Variants in KCNH8 observed in about 807,000 individuals in gnomAD.
KCNH8 encodes the protein voltage-gated delayed rectifier potassium channel KCNH8.
Under a neutral mutation model 103.6 loss-of-function variants are expected in KCNH8, and 70 were observed. The observed-to-expected ratio is 0.68, with a 90% CI of 0.56 to 0.82. The LOEUF (loss-of-function observed/expected upper bound fraction) is 0.82, where lower values mean the gene tolerates loss of function less well. Among genes scored for constraint, KCNH8 ranks in the 40% least tolerant of loss-of-function variants. KCNH8 has a pLI of 0.00. For missense variants in KCNH8, 1,217 were observed against 1,329.9 expected (o/e 0.92, Z 1.32); for synonymous variants, 498 against 489.4 (o/e 1.02, Z -0.23).
In KCNH8 at chr3:19,339,311, T is replaced by G. The variant is rs572340651; in HGVS notation, c.443-3276T>G. On this transcript the variant is annotated intron_variant, in intron 3 of 15. Coordinates refer to ENST00000328405, the MANE Select transcript of KCNH8 (RefSeq NM_144633.3). Reference sequence around the variant, plus strand: ...TGTAAATATCTAAACCGGTTCATTTTGTAGTTAGCATTGTAATTCCACTTG... The same window carrying G: ...TGTAAATATCTAAACCGGTTCATTTGGTAGTTAGCATTGTAATTCCACTTG... Among the ~76,000 whole-genome samples the G allele has an allele frequency of 3.3e-5, 5 of 152,258 alleles. No individual in the cohort carries two copies. The East Asian group carries it at 9.7e-4, about 29-fold the overall frequency.
At chr3:19,170,578 G>C (rs1338143836) in intron 1 of KCNH8, among the ~76,000 whole-genome samples, 1 of 135,268 alleles carries the variant, frequency 7.4e-6, no homozygotes, top group African/African-American at 3.1e-5. Context: ...CCACTTCTTG[G>C]GGCATCTATA....
chr3:19,246,107 AGTTT>A (rs1357343940), intron 1 of KCNH8, among the ~76,000 whole-genome samples: 1 of 152,010 alleles, frequency 6.6e-6, no homozygotes, highest in African/African-American at 2.4e-5. Context: ...ATTTGCTTCA[AGTTT>A]GTTTATCTTA....
At chr3:19,407,812 C>G (rs2125144941) in intron 7 of KCNH8, among the ~76,000 whole-genome samples, 1 of 152,222 alleles carries the variant, frequency 6.6e-6, no homozygotes, top group South Asian at 2.1e-4. Flanking sequence ...CTAGAGCACC[C>G]ACTCTCCTAG....
chr3:19,450,554 C>A, intron 9 of KCNH8: 1 of 484,708 alleles, frequency 2.1e-6, no homozygotes, highest in Non-Finnish European at 3.7e-6. Flanking sequence ...ATTTATTTTC[C>A]TTCTTATTGT....
At chr3:19,520,935 G>A (rs1305635415) in intron 15 of KCNH8, among the ~76,000 whole-genome samples, 1 of 151,970 alleles carries the variant, frequency 6.6e-6, no homozygotes, top group East Asian at 1.9e-4. Context: ...TAATAATATT[G>A]GTAATTACCT....
At chr3:19,334,811 C>T (rs2065559839) in intron 3 of KCNH8, among the ~76,000 whole-genome samples, 1 of 151,072 alleles carries the variant, frequency 6.6e-6, no homozygotes, top group Non-Finnish European at 1.5e-5. Flanking sequence ...TCCTGCTTTA[C>T]ACTGTTTTTC....
chr3:19,214,026 C>G (rs2047114), intron 1 of KCNH8, among the ~76,000 whole-genome samples: 8 of 152,132 alleles, frequency 5.3e-5, no homozygotes, highest in Non-Finnish European at 1.2e-4. Flanking sequence ...TCTACCACCC[C>G]CGCCTGCCCG....
chr3:19,258,947 CTATATATATATATATATATA>C (rs71055060), intron 2 of KCNH8, among the ~76,000 whole-genome samples: 8 of 24,802 alleles, frequency 3.2e-4, no homozygotes, highest in African/African-American at 1.0e-3. Flanking sequence ...CTCTCTCTCT[CTATATATATATATATATATA>C]TATATATATA....
At chr3:19,309,110 A>C (rs2065177637) in intron 3 of KCNH8, among the ~76,000 whole-genome samples, 1 of 151,776 alleles carries the variant, frequency 6.6e-6, no homozygotes. Flanking sequence ...CTTTTTGTAG[A>C]TTTAGCATGC....
chr3:19,385,862 GT>G (rs1217609431), intron 5 of KCNH8, among the ~76,000 whole-genome samples: 1 of 152,072 alleles, frequency 6.6e-6, no homozygotes, highest in African/African-American at 2.4e-5. Context: ...CGCCCACACT[GT>G]ACTACATTGA....
At chr3:19,489,706 C>A (rs1388032251) in intron 11 of KCNH8, among the ~76,000 whole-genome samples, 1 of 151,628 alleles carries the variant, frequency 6.6e-6, no homozygotes, top group Non-Finnish European at 1.5e-5. Flanking sequence ...AGACAAAACA[C>A]CACACTCACA....
chr3:19,479,484 A>G (rs1455239127), intron 11 of KCNH8, among the ~76,000 whole-genome samples: 1 of 152,144 alleles, frequency 6.6e-6, no homozygotes, highest in Admixed American at 6.5e-5. Context: ...TCCTCAAAAA[A>G]TCTCTTCTTT....
intron 3 of KCNH8, among the ~76,000 whole-genome samples, chr3:19,341,904 C>A (rs971617551): frequency 2.6e-5 from 4 of 151,996 alleles, no homozygotes; most frequent in African/African-American, 9.7e-5. Context: ...ATGTACATAC[C>A]ACTGCCAGTA....
chr3:19,171,694 G>T (rs765555596), intron 1 of KCNH8, among the ~76,000 whole-genome samples: 1 of 152,056 alleles, frequency 6.6e-6, no homozygotes, highest in Non-Finnish European at 1.5e-5. Flanking sequence ...TTTTTTAAGG[G>T]AGCAAGGAAA....
intron 8 of KCNH8, chr3:19,448,958 CT>C: frequency 7.8e-7 from 1 of 1,285,918 alleles, no homozygotes; most frequent in Non-Finnish European, 1.0e-6. Flanking sequence ...CCAAGGCCTT[CT>C]TGGATTATCT....
chr3:19,424,268 A>C (rs2066993292), intron 7 of KCNH8, among the ~76,000 whole-genome samples: 1 of 152,170 alleles, frequency 6.6e-6, no homozygotes, highest in African/African-American at 2.4e-5. Context: ...ATAGGCACAC[A>C]GACCATGGAA....
Position 19,534,683 on chromosome 3 carries a change from C to CTT in KCNH8, c.*585_*586insTT, listed in dbSNP as rs2069237410. 6.6e-6 allele frequency: 1 copy of CTT among 152,404 alleles called. No homozygotes were observed. The highest frequency in any genetic ancestry group is 2.4e-5 in the African/African-American group (1 of 41,324). 9.4% of individuals were successfully genotyped at this position (152,404 alleles called of 1,614,324 possible). On this transcript the variant is annotated 3_prime_UTR_variant, in exon 16 of 16. Coordinates refer to ENST00000328405, the MANE Select transcript of KCNH8 (RefSeq NM_144633.3). ...TTTATTTATCAAAAAAACACAGAGGCTATTTTTATATCCTTGGTATGAAAT... is the reference window on the plus strand; with the variant it reads ...TTTATTTATCAAAAAAACACAGAGGCTTTATTTTTATATCCTTGGTATGAAAT...
At position 19,513,238 on chromosome 3, in the gene KCNH8, C is replaced by A. The variant is rs1344261942; in HGVS notation, c.2348C>A (p.Pro783His). 3 of 1,613,638 alleles carry A rather than the reference C, an allele frequency of 1.9e-6. No individual in the cohort carries two copies. Among genetic ancestry groups the A allele is most frequent in the Non-Finnish European group, 8.5e-7 (1 of 1,179,936 alleles). ...NSPKTKQEID[P>H]PNHNKRKEKN... ...CCCAAAACCAAGCAGGAAATTGACC[C>A]CCCCAACCATAATAAAAGGAAAGAG... Residue 783 changes from proline to histidine, a missense_variant, in exon 13 of 16, where the codon CCC (proline) becomes CAC (histidine). Coordinates refer to ENST00000328405, the MANE Select transcript of KCNH8 (RefSeq NM_144633.3).
At chr3:19,297,249 C>T (rs922583884) in intron 3 of KCNH8, among the ~76,000 whole-genome samples, 7 of 152,090 alleles carry the variant, frequency 4.6e-5, no homozygotes, top group South Asian at 2.1e-4. Flanking sequence ...CTGAGAATCC[C>T]GATTTGATTT....
Sources: allele counts gnomAD v4.1 joint callset (sites outside exome capture counted in the v4.1 genomes callset), GRCh38; gene constraint gnomAD v4.1.1; transcripts MANE v1.5; gene names NCBI Gene and HGNC (gene_info 2026-07-23, HGNC 2026-07-21).